Variants in NCKAP5 observed in about 807,000 individuals in gnomAD.
The protein encoded by NCKAP5 is NCK associated protein 5.
In NCKAP5, 92 loss-of-function variants were observed where a neutral mutation model predicts 167.0. The observed-to-expected ratio is 0.55, with a 90% CI of 0.47 to 0.66. The LOEUF (loss-of-function observed/expected upper bound fraction) is 0.66, where lower values mean the gene tolerates loss of function less well. Ranked by LOEUF, NCKAP5 falls within the 30% of genes least tolerant of loss-of-function variation. NCKAP5 has a pLI of 0.00. For synonymous variants in NCKAP5, 891 were observed against 877.4 expected, an observed-to-expected ratio of 1.02 and a Z score of -0.27; for missense variants, 2,378 against 2,315.0, an observed-to-expected ratio of 1.03 and a Z score of -0.56.
intron 19 of NCKAP5, among the ~76,000 whole-genome samples, chr2:132,684,303 G>A (rs1456397858): frequency 2.6e-5 from 4 of 152,202 alleles, no homozygotes; most frequent in Non-Finnish European, 4.4e-5. Flanking sequence ...GTAACTCAGG[G>A]TCTTTCATTT....
chr2:133,494,946 A>G (rs1278835610), intron 3 of NCKAP5, among the ~76,000 whole-genome samples: 1 of 152,134 alleles, frequency 6.6e-6, no homozygotes, highest in African/African-American at 2.4e-5. Context: ...TTAAGGTATG[A>G]TAAGAGCTCT....
At chr2:133,248,918 T>TA (rs1465185779) in intron 4 of NCKAP5, among the ~76,000 whole-genome samples, 1 of 152,222 alleles carries the variant, frequency 6.6e-6, no homozygotes, top group Non-Finnish European at 1.5e-5. Context: ...TCCTCACTAC[T>TA]CAGTTTTAAA....
intron 19 of NCKAP5, among the ~76,000 whole-genome samples, chr2:132,707,387 C>T (rs1688461338): frequency 6.6e-6 from 1 of 152,236 alleles, no homozygotes; most frequent in Non-Finnish European, 1.5e-5. Context: ...GCCTTGTGGG[C>T]TAATGTGGTC....
At chr2:132,767,971 T>A (rs1261777408) in intron 16 of NCKAP5, among the ~76,000 whole-genome samples, 1 of 152,196 alleles carries the variant, frequency 6.6e-6, no homozygotes, top group South Asian at 2.1e-4. Flanking sequence ...GACCATGTCC[T>A]CTGTCATGCT....
chr2:133,590,523 C>CAAAA, the NCKAP5 span, among the ~76,000 whole-genome samples: 34 of 89,486 alleles, frequency 3.8e-4, no homozygotes, highest in Non-Finnish European at 5.7e-4. Flanking sequence ...GACTCTGTCT[C>CAAAA]AAAAAAAAAA....
chr2:133,434,272 G>A (rs1013266561), intron 3 of NCKAP5, among the ~76,000 whole-genome samples: 7 of 152,234 alleles, frequency 4.6e-5, no homozygotes, highest in Non-Finnish European at 5.9e-5. Context: ...CTTTAAAAAC[G>A]CTCCTTTTCA....
intron 3 of NCKAP5, among the ~76,000 whole-genome samples, chr2:133,465,956 G>C (rs1353230873): frequency 6.6e-6 from 1 of 151,076 alleles, no homozygotes; most frequent in Non-Finnish European, 1.5e-5. Context: ...CCATGTTGTA[G>C]GTTGCCTGTT....
chr2:133,619,056 C>A, the NCKAP5 span, among the ~76,000 whole-genome samples: 3 of 132,918 alleles, frequency 2.3e-5, no homozygotes, highest in African/African-American at 8.2e-5. Context: ...ATCTCAAGAA[C>A]AAAAAACCAA....
chr2:132,886,992 G>A (rs1692276694), intron 8 of NCKAP5, among the ~76,000 whole-genome samples: 1 of 152,136 alleles, frequency 6.6e-6, no homozygotes, highest in Non-Finnish European at 1.5e-5. Context: ...CTGGTCCTAA[G>A]CATTTTGGAT....
intron 8 of NCKAP5, among the ~76,000 whole-genome samples, chr2:132,962,745 C>A (rs528990028): frequency 2.0e-5 from 3 of 152,248 alleles, no homozygotes; most frequent in East Asian, 1.9e-4. Flanking sequence ...CACGTGCCAC[C>A]ACGCCTGGCT....
intron 11 of NCKAP5, among the ~76,000 whole-genome samples, chr2:132,809,369 T>G (rs1685680953): frequency 6.6e-6 from 1 of 152,184 alleles, no homozygotes; most frequent in African/African-American, 2.4e-5. Flanking sequence ...AGTGGAGTAT[T>G]GAAGTCCCTC....
intron 16 of NCKAP5, among the ~76,000 whole-genome samples, chr2:132,766,563 C>T (rs1681511644): frequency 6.6e-6 from 1 of 152,172 alleles, no homozygotes; most frequent in Non-Finnish European, 1.5e-5. Context: ...ATGGTTGGAT[C>T]CACATATGGA....
intron 5 of NCKAP5, among the ~76,000 whole-genome samples, chr2:133,141,508 T>A (rs1170082679): frequency 6.6e-6 from 1 of 152,164 alleles, no homozygotes; most frequent in Non-Finnish European, 1.5e-5. Flanking sequence ...TATAATTATG[T>A]GTATTGGAAA....
At chr2:133,643,431 A>C in the NCKAP5 span, among the ~76,000 whole-genome samples, 2 of 152,052 alleles carry the variant, frequency 1.3e-5, no homozygotes, top group Non-Finnish European at 2.9e-5. Context: ...TAATAAGCTA[A>C]TTTCAGCCAC....
intron 2 of NCKAP5, among the ~76,000 whole-genome samples, chr2:133,535,194 A>G (rs1231296305): frequency 6.6e-6 from 1 of 152,164 alleles, no homozygotes; most frequent in Admixed American, 6.5e-5. Flanking sequence ...TCATGCATAT[A>G]TTGCATAATG....
chr2:132,937,552 C>T (rs1386654254), intron 8 of NCKAP5, among the ~76,000 whole-genome samples: 2 of 152,166 alleles, frequency 1.3e-5, no homozygotes, highest in African/African-American at 2.4e-5. Context: ...CATTCTAAAA[C>T]TCATACGTTA....
intron 3 of NCKAP5, among the ~76,000 whole-genome samples, chr2:133,338,250 T>C (rs1215613257): frequency 6.6e-6 from 1 of 152,226 alleles, no homozygotes; most frequent in Non-Finnish European, 1.5e-5. Flanking sequence ...TATAGAGTAA[T>C]AGCAACATGC....
At chr2:132,999,793 G>C (rs1318470219) in intron 6 of NCKAP5, among the ~76,000 whole-genome samples, 1 of 151,906 alleles carries the variant, frequency 6.6e-6, no homozygotes, top group South Asian at 2.1e-4. Context: ...GACACTCTAG[G>C]GACTGATCCA....
intron 11 of NCKAP5, among the ~76,000 whole-genome samples, chr2:132,850,945 A>G (rs771967795): frequency 1.4e-4 from 21 of 152,004 alleles, no homozygotes; most frequent in Non-Finnish European, 2.6e-4. Context: ...GGTCTGTGAC[A>G]TACAGGGCAA....
Sources: gnomAD v4.1 joint callset for allele counts (sites outside exome capture counted in the v4.1 genomes callset) on GRCh38, gnomAD v4.1.1 for gene constraint, MANE v1.5 for transcripts, NCBI Gene and HGNC (gene_info 2026-07-23, HGNC 2026-07-21) for gene names.